The following FHIT variants were observed in gnomAD, a reference collection of about 807,000 sequenced individuals.
The protein encoded by FHIT is fragile histidine triad diadenosine triphosphatase, also known as bis(5'-adenosyl)-triphosphatase.
Under a neutral mutation model 17.9 loss-of-function variants are expected in FHIT, and 19 were observed. That is an observed-to-expected ratio of 1.06 (90% CI 0.74 to 1.56). The LOEUF (loss-of-function observed/expected upper bound fraction) is 1.56, where lower values mean the gene tolerates loss of function less well. Ranked by LOEUF, FHIT falls within the 40% of genes most tolerant of loss-of-function variation. FHIT has a pLI of 0.00. For missense variants in FHIT, 248 were observed against 189.2 expected, an observed-to-expected ratio of 1.31 and a Z score of -1.82; for synonymous variants, 81 against 69.7, an observed-to-expected ratio of 1.16 and a Z score of -0.81.
intron 1 of FHIT, among the ~76,000 whole-genome samples, chr3:61,212,115 G>A (rs34253135): frequency 0.14 from 21,639 of 152,218 alleles, 1,655 homozygotes; most frequent in African/African-American, 0.16. Context: ...CCAAAGGAAC[G>A]CAGTTCCTCA....
intron 4 of FHIT, among the ~76,000 whole-genome samples, chr3:60,551,779 TA>T (rs1013289586): frequency 2.0e-5 from 3 of 149,784 alleles, no homozygotes; most frequent in East Asian, 2.0e-4. Flanking sequence ...CTCAGGAGCT[TA>T]AAAAAAAGCA....
intron 2 of FHIT, among the ~76,000 whole-genome samples, chr3:61,111,273 G>A (rs1488762927): frequency 1.3e-5 from 2 of 152,154 alleles, no homozygotes; most frequent in Non-Finnish European, 2.9e-5. Context: ...ATTCAGGCAG[G>A]CAGGCATGGG....
rs143035011 is a variant in FHIT at position 60,115,516 on chromosome 3, C to T, written c.104-101364G>A. On this transcript the variant is annotated intron_variant, in intron 5 of 9. Transcript: ENST00000492590. Reference sequence around the variant, plus strand: ...TTTATATTCAAGTCTTCAGAGGCCACAGGTATATGTCACTATAAGGGAAAA... The same window carrying T: ...TTTATATTCAAGTCTTCAGAGGCCATAGGTATATGTCACTATAAGGGAAAA... Among the ~76,000 whole-genome samples, 258 of 152,236 alleles carry T rather than the reference C, an allele frequency of 1.7e-3. 1 individual carries two copies. Among genetic ancestry groups the T allele is most frequent in the African/African-American group, 5.9e-3 (245 of 41,548 alleles).
intron 4 of FHIT, among the ~76,000 whole-genome samples, chr3:60,713,592 G>A (rs1337596203): frequency 6.6e-6 from 1 of 151,810 alleles, no homozygotes; most frequent in Non-Finnish European, 1.5e-5. Flanking sequence ...ATGATAAAGG[G>A]GATATCATCA....
intron 3 of FHIT, among the ~76,000 whole-genome samples, chr3:60,831,035 T>G (rs1202211234): frequency 6.6e-6 from 1 of 152,182 alleles, no homozygotes; most frequent in Non-Finnish European, 1.5e-5. Context: ...TAAGATTAAA[T>G]TATTTCTGTA....
intron 8 of FHIT, among the ~76,000 whole-genome samples, chr3:59,910,335 T>G (rs957344343): frequency 6.6e-6 from 1 of 152,186 alleles, no homozygotes; most frequent in Admixed American, 6.5e-5. Flanking sequence ...AAGGAGGCAA[T>G]CAGATATGCA....
intron 4 of FHIT, among the ~76,000 whole-genome samples, chr3:60,657,479 G>A (rs1327947915): frequency 6.6e-6 from 1 of 152,122 alleles, no homozygotes; most frequent in African/African-American, 2.4e-5. Flanking sequence ...GCAAACTTAG[G>A]TGTCTGGCAG....
intron 4 of FHIT, among the ~76,000 whole-genome samples, chr3:60,797,876 T>C (rs1038259763): frequency 6.6e-5 from 10 of 152,078 alleles, no homozygotes; most frequent in Admixed American, 2.6e-4. Context: ...TGTATAATTT[T>C]GAATATTGTG....
intron 4 of FHIT, among the ~76,000 whole-genome samples, chr3:60,592,924 C>A (rs2038135129): frequency 6.6e-6 from 1 of 152,090 alleles, no homozygotes; most frequent in African/African-American, 2.4e-5. Flanking sequence ...TGGGATATAG[C>A]ACTGTCTTGA....
intron 5 of FHIT, among the ~76,000 whole-genome samples, chr3:60,143,239 T>C (rs1162610173): frequency 6.6e-6 from 1 of 152,164 alleles, no homozygotes; most frequent in Non-Finnish European, 1.5e-5. Context: ...CCTCCTTGTA[T>C]CCACACCTGT....
intron 5 of FHIT, among the ~76,000 whole-genome samples, chr3:60,524,697 T>C (rs2035507723): frequency 6.8e-6 from 1 of 147,678 alleles, no homozygotes; most frequent in South Asian, 2.3e-4. Context: ...TCAGCATTCC[T>C]TGACTTGTGA....
intron 5 of FHIT, among the ~76,000 whole-genome samples, chr3:60,315,412 C>G (rs574668046): frequency 1.4e-3 from 217 of 152,300 alleles, no homozygotes; most frequent in African/African-American, 5.0e-3. Flanking sequence ...AAGCCTCTCT[C>G]TGACCCTACC....
chr3:61,191,009 C>T (rs1395048228), intron 2 of FHIT, among the ~76,000 whole-genome samples: 8 of 151,704 alleles, frequency 5.3e-5, no homozygotes, highest in African/African-American at 1.9e-4. Context: ...GGCAGCACAC[C>T]AACATGGCAC....
intron 5 of FHIT, among the ~76,000 whole-genome samples, chr3:60,216,734 G>A (rs1703716252): frequency 6.6e-6 from 1 of 152,096 alleles, no homozygotes; most frequent in South Asian, 2.1e-4. Flanking sequence ...AATGTCTTAG[G>A]CTATCACCTA....
At chr3:61,207,236 G>A (rs946206696) in intron 1 of FHIT, among the ~76,000 whole-genome samples, 5 of 152,076 alleles carry the variant, frequency 3.3e-5, no homozygotes, top group Admixed American at 3.3e-4. Context: ...TTTTATTGAG[G>A]GTTTCTGCAT....
At chr3:59,925,948 A>T (rs1705639909) in intron 7 of FHIT, among the ~76,000 whole-genome samples, 1 of 152,232 alleles carries the variant, frequency 6.6e-6, no homozygotes, top group South Asian at 2.1e-4. Flanking sequence ...GGATAATTTG[A>T]TATAATCTGT....
intron 4 of FHIT, among the ~76,000 whole-genome samples, chr3:60,605,280 T>G (rs145027506): frequency 6.6e-6 from 1 of 152,280 alleles, no homozygotes; most frequent in East Asian, 1.9e-4. Flanking sequence ...TAAAAGTGAT[T>G]TGAAATCATA....
intron 5 of FHIT, among the ~76,000 whole-genome samples, chr3:60,131,276 C>T (rs560045233): frequency 1.3e-4 from 20 of 152,006 alleles, no homozygotes; most frequent in African/African-American, 4.6e-4. Flanking sequence ...CAATGTAATG[C>T]TATATAGTTA....
At chr3:61,143,917 G>A (rs1201987885) in intron 2 of FHIT, among the ~76,000 whole-genome samples, 1 of 152,144 alleles carries the variant, frequency 6.6e-6, no homozygotes, top group Non-Finnish European at 1.5e-5. Context: ...GAGTTTTAAA[G>A]TGAAAAATTG....
Sources: allele counts gnomAD v4.1 joint callset (sites outside exome capture counted in the v4.1 genomes callset), GRCh38; gene constraint gnomAD v4.1.1; transcripts MANE v1.5; gene names NCBI Gene and HGNC (gene_info 2026-07-23, HGNC 2026-07-21).